Variants in CENPW observed in about 807,000 individuals in gnomAD.
The protein encoded by CENPW is cancer-up-regulated gene 2 protein.
In CENPW, 3 loss-of-function variants were observed where a neutral mutation model predicts 11.1. The observed-to-expected ratio is 0.27, with a 90% CI of 0.12 to 0.70. CENPW has a LOEUF of 0.70. CENPW is among the 30% of genes least tolerant of loss of function. The pLI is 0.77. For missense variants in CENPW, 100 were observed against 105.6 expected (o/e 0.95, Z 0.23); for synonymous variants, 38 against 42.0 (o/e 0.91, Z 0.37).
At chr6:126,407,527 T>C in the CENPW span, among the ~76,000 whole-genome samples, 1 of 152,204 alleles carries the variant, frequency 6.6e-6, no homozygotes, top group African/African-American at 2.4e-5. Context: ...CCAAAATGGT[T>C]GAATTAATTT....
At chr6:126,475,708 G>T in the CENPW span, among the ~76,000 whole-genome samples, 1 of 151,858 alleles carries the variant, frequency 6.6e-6, no homozygotes, top group South Asian at 2.1e-4. Context: ...AAACTACTCT[G>T]CAAATACTTT....
chr6:126,355,438 C>T, the CENPW span, among the ~76,000 whole-genome samples: 1 of 152,044 alleles, frequency 6.6e-6, no homozygotes, highest in Non-Finnish European at 1.5e-5. Context: ...ACTCAATGCT[C>T]TGAGGGAGTC....
chr6:126,374,062 A>G, the CENPW span, among the ~76,000 whole-genome samples: 1 of 152,160 alleles, frequency 6.6e-6, no homozygotes, highest in Non-Finnish European at 1.5e-5. Flanking sequence ...CCTGAGTCAT[A>G]AAGGCCAGGT....
the CENPW span, among the ~76,000 whole-genome samples, chr6:126,373,635 G>A: frequency 1.3e-5 from 2 of 152,172 alleles, no homozygotes; most frequent in Non-Finnish European, 2.9e-5. Context: ...TTCTTCACTC[G>A]CTTGAGTTCT....
At chr6:126,426,215 C>A in the CENPW span, among the ~76,000 whole-genome samples, 9 of 151,956 alleles carry the variant, frequency 5.9e-5, no homozygotes, top group East Asian at 1.9e-4. Flanking sequence ...GTTAACAGAA[C>A]CTTAAACTAG....
the CENPW span, among the ~76,000 whole-genome samples, chr6:126,401,432 A>AT: frequency 2.0e-5 from 3 of 151,620 alleles, no homozygotes; most frequent in Non-Finnish European, 2.9e-5. Flanking sequence ...GGTGGATGGG[A>AT]TTGTCCTGTT....
the CENPW span, among the ~76,000 whole-genome samples, chr6:126,360,854 C>G: frequency 8.3e-4 from 126 of 152,278 alleles, 1 homozygote; most frequent in East Asian, 1.9e-4. Context: ...TGGGTCTCAA[C>G]TTTCTGATAA....
chr6:126,367,525 C>T, the CENPW span, among the ~76,000 whole-genome samples: 3 of 151,724 alleles, frequency 2.0e-5, no homozygotes, highest in African/African-American at 7.3e-5. Flanking sequence ...GGAAGTGGTA[C>T]AATGAGACAA....
At chr6:126,455,513 T>A in the CENPW span, among the ~76,000 whole-genome samples, 62 of 151,582 alleles carry the variant, frequency 4.1e-4, 1 homozygote, top group Admixed American at 1.1e-3. Context: ...TTGATAACAT[T>A]CAACATCAAT....
At chr6:126,353,274 A>C (rs1168132071), downstream of CENPW, among the ~76,000 whole-genome samples, 3 of 146,664 alleles carry the variant, frequency 2.0e-5, no homozygotes, top group African/African-American at 7.6e-5. Flanking sequence ...ATTTTCCTGT[A>C]GTAACTGTTT....
the CENPW span, among the ~76,000 whole-genome samples, chr6:126,362,485 G>A: frequency 6.6e-6 from 1 of 152,136 alleles, no homozygotes; most frequent in Non-Finnish European, 1.5e-5. Context: ...TTCAGCCTCA[G>A]TGTTACTTGT....
At chr6:126,346,359 C>A in intron 2 of CENPW, 41 bp downstream of exon 2, 2 of 1,224,466 alleles carry the variant, frequency 1.6e-6, no homozygotes, top group Non-Finnish European at 2.4e-6. Context: ...AATTAAACTT[C>A]AAAAATAACA....
At chr6:126,445,325 C>G in the CENPW span, among the ~76,000 whole-genome samples, 3 of 151,102 alleles carry the variant, frequency 2.0e-5, no homozygotes, top group African/African-American at 7.3e-5. Context: ...CAGATGTTGG[C>G]CATAAAATTT....
the CENPW span, among the ~76,000 whole-genome samples, chr6:126,437,663 T>C: frequency 6.6e-6 from 1 of 151,934 alleles, no homozygotes; most frequent in Non-Finnish European, 1.5e-5. Context: ...AAATTAATAA[T>C]TGTATGGAAG....
chr6:126,472,525 G>T, the CENPW span, among the ~76,000 whole-genome samples: 63 of 152,264 alleles, frequency 4.1e-4, no homozygotes, highest in Admixed American at 3.5e-3. Context: ...GCTTTCCATT[G>T]CATAGAAATG....
At chr6:126,415,915 T>C in the CENPW span, among the ~76,000 whole-genome samples, 10 of 152,088 alleles carry the variant, frequency 6.6e-5, no homozygotes, top group Admixed American at 3.3e-4. Flanking sequence ...TTGGTACCAG[T>C]AGAGTGGGGT....
At chr6:126,391,811 T>C in the CENPW span, among the ~76,000 whole-genome samples, 11 of 151,992 alleles carry the variant, frequency 7.2e-5, no homozygotes, top group Admixed American at 7.2e-4. Flanking sequence ...GGGTTCTCTG[T>C]TTTGTTCCAC....
At chr6:126,468,226 G>C in the CENPW span, among the ~76,000 whole-genome samples, 2 of 151,798 alleles carry the variant, frequency 1.3e-5, no homozygotes, top group East Asian at 1.9e-4. Context: ...TTTGAGACCA[G>C]CCTGACCAAC....
chr6:126,464,020 T>C, the CENPW span, among the ~76,000 whole-genome samples: 4 of 152,116 alleles, frequency 2.6e-5, no homozygotes, highest in Non-Finnish European at 5.9e-5. Context: ...GAAAAAAAAC[T>C]ACATATTGAT....
Sources: allele counts gnomAD v4.1 joint callset (sites outside exome capture counted in the v4.1 genomes callset), GRCh38; gene constraint gnomAD v4.1.1; transcripts MANE v1.5; gene names NCBI Gene and HGNC (gene_info 2026-07-23, HGNC 2026-07-21).